The following RALA variants were observed in gnomAD, a reference collection of about 807,000 sequenced individuals.
RALA encodes ras-related protein Ral-A.
A neutral mutation model predicts 24.0 loss-of-function variants in RALA; 5 were observed. The ratio of observed to expected loss-of-function variants is 0.21; its 90% CI spans 0.11 to 0.44. The LOEUF (loss-of-function observed/expected upper bound fraction) is 0.44, where lower values mean the gene tolerates loss of function less well. RALA is among the 20% of genes least tolerant of loss of function. The probability of loss-of-function intolerance (pLI) is 0.99; values close to 1 mark genes in which losing one functional copy is unlikely to be tolerated. For synonymous variants in RALA, 77 were observed against 83.8 expected (o/e 0.92, Z 0.44); for missense variants, 95 against 241.2 (o/e 0.39, Z 4.01).
intron 4 of RALA, among the ~76,000 whole-genome samples, chr7:39,705,213 C>T (rs1793097445): frequency 6.6e-6 from 1 of 152,198 alleles, no homozygotes; most frequent in Non-Finnish European, 1.5e-5. Context: ...CTGTGCCTTG[C>T]TTTTTTCAGA....
chr7:39,677,969 T>C (rs1226927648), intron 1 of RALA, among the ~76,000 whole-genome samples: 3 of 146,460 alleles, frequency 2.0e-5, no homozygotes, highest in Non-Finnish European at 3.0e-5. Flanking sequence ...GTCAGATGAG[T>C]AGGTTGCGAA....
At chr7:39,642,566 T>G (rs549401461) in intron 1 of RALA, among the ~76,000 whole-genome samples, 1 of 152,160 alleles carries the variant, frequency 6.6e-6, no homozygotes, top group Admixed American at 6.5e-5. Flanking sequence ...ATATTCTGAT[T>G]TCCTTCACAC....
intron 1 of RALA, among the ~76,000 whole-genome samples, chr7:39,635,123 G>A (rs1791666098): frequency 6.6e-6 from 1 of 152,150 alleles, no homozygotes; most frequent in African/African-American, 2.4e-5. Flanking sequence ...GCCAAGGCAG[G>A]CAGATTGCTT....
chr7:39,691,081 T>G (rs1792809711), intron 3 of RALA, among the ~76,000 whole-genome samples: 1 of 152,206 alleles, frequency 6.6e-6, no homozygotes, highest in African/African-American at 2.4e-5. Context: ...ATGGGAACCT[T>G]CAGAATGAAT....
intron 4 of RALA, among the ~76,000 whole-genome samples, chr7:39,698,594 C>T (rs982748286): frequency 6.6e-6 from 1 of 152,084 alleles, no homozygotes; most frequent in African/African-American, 2.4e-5. Context: ...TAAAAGGCAA[C>T]GTTGAACATT....
intron 1 of RALA, among the ~76,000 whole-genome samples, chr7:39,631,687 G>A (rs1202191361): frequency 1.3e-5 from 2 of 151,876 alleles, no homozygotes; most frequent in Non-Finnish European, 1.5e-5. Flanking sequence ...TATCTTTTTT[G>A]TTGCTATTAT....
At chr7:39,687,296 G>A (rs1222437471) in intron 2 of RALA, among the ~76,000 whole-genome samples, 4 of 152,112 alleles carry the variant, frequency 2.6e-5, no homozygotes, top group South Asian at 4.2e-4. Context: ...GCATGGTGGC[G>A]GGTGCCTGTA....
chr7:39,653,010 C>T (rs1792043486), intron 1 of RALA, among the ~76,000 whole-genome samples: 1 of 150,726 alleles, frequency 6.6e-6, no homozygotes, highest in Non-Finnish European at 1.5e-5. Context: ...GTTAGCCAGG[C>T]TGGTCTCAAA....
chr7:39,706,543 A>C lies in RALA; in HGVS notation c.*298A>C. The C allele has an allele frequency of 4.6e-6, 1 of 216,554 alleles. No individual in the cohort carries two copies. Among genetic ancestry groups the C allele is most frequent in the Non-Finnish European group, 9.0e-6 (1 of 110,858 alleles). The allele number at this position is 216,554 out of a possible 1,614,324, so 13.4% of individuals were successfully genotyped here. A position where few individuals can be genotyped will look rare whatever the true frequency, so the allele number is the denominator to read the frequency against. ...TCTTTCTTGAAATTGAAGAGGTGAAATGGGGGTGGGGAGTGGGAGGAAAGG... is the reference window on the plus strand; with the variant it reads ...TCTTTCTTGAAATTGAAGAGGTGAACTGGGGGTGGGGAGTGGGAGGAAAGG... On this transcript the variant is annotated 3_prime_UTR_variant, in exon 5 of 5. Transcript: ENST00000005257.
At chr7:39,664,057 T>C (rs1220639376) in intron 1 of RALA, among the ~76,000 whole-genome samples, 1 of 152,206 alleles carries the variant, frequency 6.6e-6, no homozygotes, top group East Asian at 1.9e-4. Flanking sequence ...AGAAAGGATA[T>C]CTGCTTGAAC....
intron 1 of RALA, among the ~76,000 whole-genome samples, chr7:39,667,055 T>C (rs534936807): frequency 6.6e-6 from 1 of 152,348 alleles, no homozygotes; most frequent in South Asian, 2.1e-4. Context: ...ACTCCCACTC[T>C]TTTTGATGCC....
At chr7:39,662,253 T>C (rs1416453630) in intron 1 of RALA, among the ~76,000 whole-genome samples, 1 of 152,098 alleles carries the variant, frequency 6.6e-6, no homozygotes, top group East Asian at 1.9e-4. Context: ...CCCCATTGTC[T>C]TGGTGATTAA....
chr7:39,692,182 G>A (rs978768226), intron 3 of RALA, among the ~76,000 whole-genome samples: 6 of 152,110 alleles, frequency 3.9e-5, no homozygotes, highest in Non-Finnish European at 8.8e-5. Context: ...AAATAAAACA[G>A]TAGCATAAAT....
intron 1 of RALA, among the ~76,000 whole-genome samples, chr7:39,657,486 A>G (rs1334431187): frequency 6.6e-6 from 1 of 152,228 alleles, no homozygotes; most frequent in Non-Finnish European, 1.5e-5. Context: ...ATGGAAAGAA[A>G]TAGACTAGTA....
chr7:39,668,651 AGCTGGGCATG>A (rs1792325801), intron 1 of RALA, among the ~76,000 whole-genome samples: 2 of 151,838 alleles, frequency 1.3e-5, no homozygotes, highest in African/African-American at 4.8e-5. Flanking sequence ...TACAAAAATC[AGCTGGGCATG>A]GTGGCGCATG....
chr7:39,687,627 C>T (rs1243269270), intron 2 of RALA, among the ~76,000 whole-genome samples: 1 of 152,170 alleles, frequency 6.6e-6, no homozygotes, highest in African/African-American at 2.4e-5. Context: ...GCAATATAGT[C>T]TTTCCCTGCA....
intron 1 of RALA, among the ~76,000 whole-genome samples, chr7:39,661,344 T>A (rs1418428683): frequency 6.6e-6 from 1 of 152,194 alleles, no homozygotes; most frequent in African/African-American, 2.4e-5. Flanking sequence ...AAGTCTTAAC[T>A]CATTTCAGCA....
rs1403612922 is a variant in RALA at position 39,690,577 on chromosome 7, A to G, written c.310A>G (p.Thr104Ala). ...TACAGAAATGGAATCCTTTGCAGCT[A>G]CAGCTGACTTCAGGTATGTCCTAGA... The part of the protein sequence containing the change: ...SITEMESFAA[T>A]ADFREQILRV... The change falls in exon 3 of 5, where the codon ACA becomes GCA. Residue 104 changes from threonine to alanine, a missense_variant. Physicochemically the swap from Thr to Ala is moderately conservative, Grantham distance 58. Transcript: ENST00000005257. The G allele has an allele frequency of 1.9e-6, 3 of 1,610,936 alleles. No individual in the cohort carries two copies. Among genetic ancestry groups the G allele is most frequent in the Non-Finnish European group, 2.5e-6 (3 of 1,177,944 alleles).
At chr7:39,625,534 G>A (rs976386811) in intron 1 of RALA, among the ~76,000 whole-genome samples, 5 of 152,184 alleles carry the variant, frequency 3.3e-5, no homozygotes, top group Non-Finnish European at 5.9e-5. Context: ...ATGAATACAC[G>A]CAATCCTCTG....
Sources: gnomAD v4.1 joint callset for allele counts (sites outside exome capture counted in the v4.1 genomes callset) on GRCh38, gnomAD v4.1.1 for gene constraint, MANE v1.5 for transcripts, NCBI Gene and HGNC (gene_info 2026-07-23, HGNC 2026-07-21) for gene names.